HUNK: variants seen among roughly 807,000 people sequenced by gnomAD.
The protein encoded by HUNK is hormonally up-regulated Neu-associated kinase, also known as hormonally up-regulated neu tumor-associated kinase.
In HUNK, 21 loss-of-function variants were observed where a neutral mutation model predicts 61.0. That is an observed-to-expected ratio of 0.34 (90% CI 0.24 to 0.50). The LOEUF (loss-of-function observed/expected upper bound fraction) is 0.50, where lower values mean the gene tolerates loss of function less well. Ranked by LOEUF, HUNK falls within the 20% of genes least tolerant of loss-of-function variation. The pLI, the probability that HUNK is intolerant of heterozygous loss-of-function variation, is 0.98. For synonymous variants in HUNK, 371 were observed against 386.1 expected (o/e 0.96, Z 0.46); for missense variants, 772 against 945.7 (o/e 0.82, Z 2.41).
chr21:31,933,298 G>T (rs980557869), intron 2 of HUNK, among the ~76,000 whole-genome samples: 2 of 152,132 alleles, frequency 1.3e-5, no homozygotes, highest in Non-Finnish European at 2.9e-5. Context: ...CCAAGAAAAA[G>T]CAACTTCCCA....
Position 31,924,441 on chromosome 21 carries a change from A to G in HUNK, c.262-27A>G, listed in dbSNP as rs1172369872. On this transcript the variant is annotated intron_variant, in intron 1 of 10. Transcript: ENST00000270112. This position sits in a 1 kb window ranked among gnomAD's most constrained non-coding sequence, Gnocchi z 5.1. ...TCGCTATTGTCTGTAATGTCTGATA[A>G]CAGGCATGTTCTTGTTTTCTCCTTA... 2 of 1,600,504 alleles carry G rather than the reference A, an allele frequency of 1.2e-6. No homozygotes were observed. The highest frequency in any genetic ancestry group is 1.7e-5 in the Admixed American group (1 of 58,340).
chr21:31,912,294 G>T (rs2052551726), intron 1 of HUNK, among the ~76,000 whole-genome samples: 1 of 152,130 alleles, frequency 6.6e-6, no homozygotes, highest in Non-Finnish European at 1.5e-5. Flanking sequence ...GCCTGGAAGG[G>T]GGTTCTGAAA....
At chr21:31,911,095 T>C (rs965704229) in intron 1 of HUNK, among the ~76,000 whole-genome samples, 4 of 152,214 alleles carry the variant, frequency 2.6e-5, no homozygotes, top group African/African-American at 4.8e-5. Context: ...TAACAGATTC[T>C]GAAATAGTTA....
At chr21:31,917,695 T>TACACACACATAC in intron 1 of HUNK, among the ~76,000 whole-genome samples, 1 of 94,952 alleles carries the variant, frequency 1.1e-5, no homozygotes, top group South Asian at 5.1e-4. Flanking sequence ...TTCCCAAACA[T>TACACACACATAC]ACACACACAC....
intron 1 of HUNK, among the ~76,000 whole-genome samples, chr21:31,910,106 C>A (rs1450059095): frequency 6.6e-6 from 1 of 152,168 alleles, no homozygotes; most frequent in African/African-American, 2.4e-5. Flanking sequence ...TACTAATAAC[C>A]ATCATAAAGG....
At chr21:31,951,145 C>A (rs2052846972) in intron 4 of HUNK, among the ~76,000 whole-genome samples, 1 of 151,208 alleles carries the variant, frequency 6.6e-6, no homozygotes, top group African/African-American at 2.4e-5. Flanking sequence ...TAAAGAATAG[C>A]TGTAAAATAA....
At chr21:31,983,697 G>A in intron 8 of HUNK, 88 bp downstream of exon 8, 1 of 897,648 alleles carries the variant, frequency 1.1e-6, no homozygotes, top group East Asian at 2.4e-5. Flanking sequence ...AATTACTGTG[G>A]GACACTGAAG....
intron 9 of HUNK, among the ~76,000 whole-genome samples, chr21:31,991,373 C>T (rs2053171076): frequency 6.6e-6 from 1 of 152,144 alleles, no homozygotes; most frequent in Admixed American, 6.5e-5. Flanking sequence ...CGCTCTCCAC[C>T]ATGCCAGGCT....
chr21:31,991,238 G>A (rs1725627163), intron 9 of HUNK, among the ~76,000 whole-genome samples: 1 of 150,798 alleles, frequency 6.6e-6, no homozygotes, highest in South Asian at 2.1e-4. Context: ...TTTTTTTTGA[G>A]GTGGAGTCTT....
At chr21:31,988,499 A>G (rs1011478254) in intron 8 of HUNK, among the ~76,000 whole-genome samples, 1 of 152,020 alleles carries the variant, frequency 6.6e-6, no homozygotes, top group Non-Finnish European at 1.5e-5. Context: ...ATGGGTAGAA[A>G]TTTAACTTTT....
rs2053237394 is a variant in HUNK, at chr21:32,000,265, T to TGCTGGGA, written c.*1091_*1097dup. 1.8e-5 allele frequency: 7 copies of TGCTGGGA among 399,016 alleles called. No homozygotes were observed. Among genetic ancestry groups the TGCTGGGA allele is most frequent in the Non-Finnish European group, 2.7e-5 (6 of 226,112 alleles). The allele number at this position is 399,016 out of a possible 1,614,324, so 24.7% of individuals were successfully genotyped here. ...GGTGCGGCTCAGAGCTCGGCGAGTTTGCTGGGAGCTGGGAGCAGGCTTGCC... is the reference window on the plus strand; with the variant it reads ...GGTGCGGCTCAGAGCTCGGCGAGTTTGCTGGGAGCTGGGAGCTGGGAGCAGGCTTGCC... On this transcript the variant is annotated 3_prime_UTR_variant, in exon 11 of 11. Transcript: ENST00000270112.
At chr21:31,949,219 G>C (rs1248474923) in intron 4 of HUNK, among the ~76,000 whole-genome samples, 1 of 152,220 alleles carries the variant, frequency 6.6e-6, no homozygotes, top group African/African-American at 2.4e-5. Context: ...CTGATGACGG[G>C]CCCAGGTGGG....
intron 4 of HUNK, among the ~76,000 whole-genome samples, chr21:31,946,882 T>A (rs1346889812): frequency 6.6e-6 from 1 of 152,230 alleles, no homozygotes; most frequent in East Asian, 1.9e-4. Flanking sequence ...CCCAAAGTGC[T>A]GGCATTACCG....
chr21:31,901,532 T>C (rs1259935028), intron 1 of HUNK, among the ~76,000 whole-genome samples: 3 of 152,096 alleles, frequency 2.0e-5, no homozygotes, highest in Admixed American at 2.0e-4. Context: ...GCCACAGAGA[T>C]TGGCAGGCCG....
chr21:31,982,500 T>C (rs2053104707), intron 7 of HUNK, among the ~76,000 whole-genome samples: 1 of 152,262 alleles, frequency 6.6e-6, no homozygotes, highest in Non-Finnish European at 1.5e-5. Context: ...TGTTATCTCT[T>C]AATTGTCATC....
intron 1 of HUNK, among the ~76,000 whole-genome samples, chr21:31,875,501 A>G (rs2052254572): frequency 7.2e-6 from 1 of 139,838 alleles, no homozygotes; most frequent in Non-Finnish European, 1.5e-5. Flanking sequence ...GTCTTCAAAG[A>G]AAAAGGAAAA....
At chr21:31,990,908 T>G (rs1467707246) in intron 9 of HUNK, among the ~76,000 whole-genome samples, 1 of 152,182 alleles carries the variant, frequency 6.6e-6, no homozygotes. Flanking sequence ...CTGGGTACCA[T>G]GGCCTAGGCA....
chr21:31,907,170 T>C (rs2052511545), intron 1 of HUNK, among the ~76,000 whole-genome samples: 1 of 152,040 alleles, frequency 6.6e-6, no homozygotes, highest in Admixed American at 6.6e-5. Flanking sequence ...TGAAACTCCA[T>C]CTCAAAAACA....
intron 1 of HUNK, among the ~76,000 whole-genome samples, chr21:31,889,429 C>G (rs571038577): frequency 2.0e-5 from 3 of 152,312 alleles, no homozygotes; most frequent in African/African-American, 7.2e-5. Context: ...CTTATATAAT[C>G]TGGTTTTTAG....
Sources: gnomAD v4.1 joint callset for allele counts (sites outside exome capture counted in the v4.1 genomes callset) on GRCh38, gnomAD v4.1.1 for gene constraint, Gnocchi (gnomAD v3.1) non-coding constraint, MANE v1.5 for transcripts, NCBI Gene and HGNC (gene_info 2026-07-23, HGNC 2026-07-21) for gene names.